Variants in ALK observed in about 807,000 individuals in gnomAD.
The protein encoded by ALK is ALK tyrosine kinase receptor.
A neutral mutation model predicts 163.1 loss-of-function variants in ALK; 74 were observed. The observed-to-expected ratio is 0.45, with a 90% CI of 0.38 to 0.55. The LOEUF (loss-of-function observed/expected upper bound fraction) is 0.55. Among genes scored for constraint, ALK ranks in the 20% least tolerant of loss-of-function variants. ALK has a pLI of 0.00. For missense variants in ALK, 2,063 were observed against 2,105.3 expected (o/e 0.98, Z 0.39); for synonymous variants, 960 against 843.2 (o/e 1.14, Z -2.40).
At chr2:29,845,250 T>G (rs13012046) in intron 1 of ALK, among the ~76,000 whole-genome samples, 47,259 of 152,096 alleles carry the variant, frequency 0.31, 7,581 homozygotes, top group Non-Finnish European at 0.36. Context: ...TCCCTCAGGC[T>G]CACACAAACC....
At chr2:29,222,273 T>C in intron 22 of ALK, 71 bp downstream of exon 22, 2 of 1,401,386 alleles carry the variant, frequency 1.4e-6, no homozygotes, top group Non-Finnish European at 1.0e-6. Context: ...GATATCGATC[T>C]GTTAGAAACC....
chr2:29,794,177 T>G (rs951774786), intron 1 of ALK, among the ~76,000 whole-genome samples: 7 of 152,224 alleles, frequency 4.6e-5, no homozygotes, highest in Admixed American at 2.0e-4. Flanking sequence ...TTTCATGTTA[T>G]AAAGATGGCT....
chr2:29,558,019 T>C (rs1038709735), intron 3 of ALK, among the ~76,000 whole-genome samples: 2 of 152,218 alleles, frequency 1.3e-5, no homozygotes. Flanking sequence ...ATGTCTACAC[T>C]GCATTCCTTG....
intron 5 of ALK, among the ~76,000 whole-genome samples, chr2:29,344,830 A>G (rs1667898768): frequency 6.6e-6 from 1 of 152,232 alleles, no homozygotes; most frequent in Non-Finnish European, 1.5e-5. Flanking sequence ...GGAAAGAGAT[A>G]ACACTTGAGT....
chr2:29,278,465 G>T (rs1411111191), intron 9 of ALK, among the ~76,000 whole-genome samples: 1 of 152,150 alleles, frequency 6.6e-6, no homozygotes, highest in Non-Finnish European at 1.5e-5. Flanking sequence ...AGCATGAGAG[G>T]CATTTCTGCA....
chr2:29,710,601 T>C (rs1234779407), intron 2 of ALK, among the ~76,000 whole-genome samples: 2 of 151,966 alleles, frequency 1.3e-5, no homozygotes, highest in African/African-American at 2.4e-5. Context: ...CTGCAACCTC[T>C]GCCTCCCAGG....
chr2:29,916,268 T>A (rs1454407975), intron 1 of ALK, among the ~76,000 whole-genome samples: 1 of 152,206 alleles, frequency 6.6e-6, no homozygotes. Context: ...ACAAGTATGA[T>A]CCAATTACTT....
intron 16 of ALK, among the ~76,000 whole-genome samples, chr2:29,228,095 A>C (rs1454411609): frequency 6.6e-6 from 1 of 152,044 alleles, no homozygotes; most frequent in South Asian, 2.1e-4. Context: ...GCGGGAAATG[A>C]GCCCCTGTGC....
chr2:29,788,957 C>A (rs1259098213), intron 1 of ALK, among the ~76,000 whole-genome samples: 1 of 150,340 alleles, frequency 6.7e-6, no homozygotes. Context: ...CTTCCACCAC[C>A]AACTTTAGCT....
intron 1 of ALK, among the ~76,000 whole-genome samples, chr2:29,859,627 A>C (rs1343200834): frequency 6.6e-6 from 1 of 152,180 alleles, no homozygotes; most frequent in Non-Finnish European, 1.5e-5. Flanking sequence ...TTGTGAAAAA[A>C]AATAAATAGA....
At chr2:29,842,696 C>G (rs1352947299) in intron 1 of ALK, among the ~76,000 whole-genome samples, 1 of 152,192 alleles carries the variant, frequency 6.6e-6, no homozygotes, top group African/African-American at 2.4e-5. Context: ...TAAGAAAGGA[C>G]TGAGCAGGCA....
intron 3 of ALK, among the ~76,000 whole-genome samples, chr2:29,679,775 T>C (rs1203386477): frequency 6.6e-6 from 1 of 151,992 alleles, no homozygotes; most frequent in Non-Finnish European, 1.5e-5. Flanking sequence ...ATATGTTTAC[T>C]ATTTCTAGTA....
In ALK at chr2:29,755,603, A is replaced by G. The variant is rs149700016; in HGVS notation, c.668-37906T>C. 3.6e-3 allele frequency among the ~76,000 whole-genome samples: 554 copies of G among 152,324 alleles called. 3 individuals carry two copies. Among genetic ancestry groups the G allele is most frequent in the African/African-American group, 0.012 (504 of 41,580 alleles). ...GGGAGGAATGAGAGACAGGCTCACC[A>G]TTCCGGGGTCCCCTGCATGTGCCAG... On this transcript the variant is annotated intron_variant, in intron 1 of 28. Transcript: ENST00000389048.
intron 22 of ALK, among the ~76,000 whole-genome samples, chr2:29,221,951 G>A (rs528358272): frequency 6.6e-6 from 1 of 152,340 alleles, no homozygotes; most frequent in South Asian, 2.1e-4. Context: ...CCTAGGATGG[G>A]GTGGCCTCCC....
intron 2 of ALK, among the ~76,000 whole-genome samples, chr2:29,713,560 G>C (rs1416633735): frequency 1.3e-5 from 2 of 152,260 alleles, no homozygotes; most frequent in South Asian, 2.1e-4. Flanking sequence ...CTAAACACCA[G>C]GTCATCCAGG....
At chr2:29,563,664 C>A (rs1382362161) in intron 3 of ALK, among the ~76,000 whole-genome samples, 1 of 152,160 alleles carries the variant, frequency 6.6e-6, no homozygotes, top group South Asian at 2.1e-4. Context: ...TTGCTCCTGA[C>A]CCCCAACTCT....
chr2:29,410,526 G>A (rs940173707), intron 4 of ALK, among the ~76,000 whole-genome samples: 5 of 152,106 alleles, frequency 3.3e-5, no homozygotes, highest in African/African-American at 9.7e-5. Context: ...GCTGTGTCAC[G>A]GGCACGTCCT....
At chr2:29,688,200 C>A (rs1558442598) in intron 3 of ALK, among the ~76,000 whole-genome samples, 1 of 152,166 alleles carries the variant, frequency 6.6e-6, no homozygotes, top group Admixed American at 6.5e-5. Flanking sequence ...GTGAAGGAGT[C>A]CCTGGCCAGC....
At chr2:29,224,235 G>C (rs1663857465) in intron 19 of ALK, among the ~76,000 whole-genome samples, 1 of 152,124 alleles carries the variant, frequency 6.6e-6, no homozygotes. Flanking sequence ...ATCATGAAAA[G>C]ATCTCTGAAT....
Sources: allele counts gnomAD v4.1 joint callset (sites outside exome capture counted in the v4.1 genomes callset), GRCh38; gene constraint gnomAD v4.1.1; transcripts MANE v1.5; gene names NCBI Gene and HGNC (gene_info 2026-07-23, HGNC 2026-07-21).